Variants in KIAA2012 observed in about 807,000 individuals in gnomAD.
KIAA2012 encodes uncharacterized protein KIAA2012.
In KIAA2012, 125 loss-of-function variants were observed where a neutral mutation model predicts 150.6. The observed-to-expected ratio is 0.83, with a 90% CI of 0.72 to 0.96. KIAA2012 has a LOEUF of 0.96. Ranked by LOEUF, KIAA2012 falls within the 40% of genes least tolerant of loss-of-function variation. The pLI is 0.00. For synonymous variants in KIAA2012, 462 were observed against 504.7 expected (o/e 0.92, Z 1.13); for missense variants, 1,219 against 1,354.9 (o/e 0.90, Z 1.57).
At position 202,193,327 on chromosome 2, in the gene KIAA2012, G is replaced by A. The variant is rs1692354129; in HGVS notation, c.2838G>A (p.Glu946=). The part of the protein sequence containing the change: ...SKALLTKREQ[E]KASWDRLRAE... ...CCCTCCTCACTAAGAGGGAGCAGGA[G>A]AAGGCTTCCTGGGACAGGCTTCGAG... Residue 946 remains glutamate (E), a synonymous_variant, in exon 20 of 24, where the codon GAG becomes GAA. Transcript: ENST00000498697. 5 of 1,549,962 alleles carry A rather than the reference G, an allele frequency of 3.2e-6. No individual in the cohort carries two copies. Among genetic ancestry groups the A allele is most frequent in the Non-Finnish European group, 4.4e-6 (5 of 1,146,824 alleles).
chr2:202,132,692 GTATGTATATATATATGTATA>G lies in KIAA2012; in HGVS notation c.1832-5724_1832-5705del, dbSNP rs1341726692. 1.2e-3 allele frequency among the ~76,000 whole-genome samples: 71 copies of G among 60,048 alleles called. 1 individual carries two copies. The highest frequency in any genetic ancestry group is 3.5e-3 in the African/African-American group (50 of 14,444). 39.4% of individuals were successfully genotyped at this position (60,048 alleles called of 152,430 possible). On this transcript the variant is annotated intron_variant, in intron 12 of 23. Coordinates refer to ENST00000498697, the MANE Select transcript of KIAA2012 (RefSeq NM_001277372.4). ...CCTCACAAAATACATATATATATAT[GTATGTATATATATATGTATA>G]TATGTATATATATATAGTATATATG...
At chr2:202,106,958 A>T (rs996665246) in intron 9 of KIAA2012, among the ~76,000 whole-genome samples, 1 of 152,222 alleles carries the variant, frequency 6.6e-6, no homozygotes, top group Non-Finnish European at 1.5e-5. Context: ...AGGAAGATGC[A>T]CATTAATGTG....
At position 202,162,885 on chromosome 2, in the gene KIAA2012, G is replaced by A. The variant is rs555000829; in HGVS notation, c.2047-2399G>A. ...GCGGAGGTTGCAGTGAGCTGAGATC[G>A]CACCACTGCACTCCAGCCTGGCAAC... On this transcript the variant is annotated intron_variant, in intron 14 of 23. Transcript: ENST00000498697. Among the ~76,000 whole-genome samples, 359 of 134,684 alleles carry A rather than the reference G, an allele frequency of 2.7e-3. 1 individual carries two copies. Among genetic ancestry groups the A allele is most frequent in the African/African-American group, 9.4e-3 (331 of 35,372 alleles). The allele number at this position is 134,684 out of a possible 152,430, so 88.4% of individuals were successfully genotyped here.
At chr2:202,151,321 A>G (rs1177158718) in intron 13 of KIAA2012, among the ~76,000 whole-genome samples, 1 of 152,092 alleles carries the variant, frequency 6.6e-6, no homozygotes, top group Non-Finnish European at 1.5e-5. Context: ...TGCTTGAATC[A>G]GGGAGGCAGA....
intron 6 of KIAA2012, 56 bp from the exon 7 acceptor site, chr2:202,100,251 C>T: frequency 1.3e-6 from 2 of 1,501,734 alleles, no homozygotes; most frequent in Non-Finnish European, 1.8e-6. Flanking sequence ...CAAAACTCAA[C>T]TGTTCATCCC....
At chr2:202,132,647 C>A (rs903275717) in intron 12 of KIAA2012, among the ~76,000 whole-genome samples, 12 of 147,162 alleles carry the variant, frequency 8.2e-5, no homozygotes, top group Non-Finnish European at 1.6e-4. Flanking sequence ...GCACTCCAGG[C>A]TGGGCGGCAG....
In KIAA2012 at chr2:202,103,051, A is replaced by T; in HGVS notation, c.1261A>T (p.Ile421Phe). Residue 421 changes from isoleucine (I) to phenylalanine (F), a missense_variant, in exon 8 of 24, where the codon ATC becomes TTC. Transcript: ENST00000498697. ...KANEPPTELF[I>F]LPVEIHYHTK... ...CAATGAGCCCCCAACAGAGCTCTTC[A>T]TCTTACCGGTGGAGATTCATTACCA... 2 of 1,550,596 alleles carry T rather than the reference A, an allele frequency of 1.3e-6. No individual in the cohort carries two copies. The highest frequency in any genetic ancestry group is 1.7e-6 in the Non-Finnish European group (2 of 1,146,984).
intron 18 of KIAA2012, 56 bp from the exon 19 acceptor site, chr2:202,190,118 A>C: frequency 1.3e-5 from 17 of 1,348,088 alleles, no homozygotes; most frequent in Non-Finnish European, 1.6e-5. Context: ...AAGGATGTAT[A>C]GTGATCACAT....
chr2:202,095,334 A>G (rs1442768868), intron 4 of KIAA2012, among the ~76,000 whole-genome samples: 1 of 152,210 alleles, frequency 6.6e-6, no homozygotes, highest in East Asian at 1.9e-4. Context: ...AAGAAGTAGC[A>G]AAAGTCCCAG....
chr2:202,129,037 C>T (rs1398974448), intron 12 of KIAA2012, among the ~76,000 whole-genome samples: 1 of 151,846 alleles, frequency 6.6e-6, no homozygotes, highest in Admixed American at 6.6e-5. Context: ...GCGGCAGGGT[C>T]GCGGTGGCAG....
At chr2:202,103,515 T>C (rs772745693) in intron 8 of KIAA2012, among the ~76,000 whole-genome samples, 3 of 151,634 alleles carry the variant, frequency 2.0e-5, no homozygotes, top group Non-Finnish European at 1.5e-5. Flanking sequence ...AGTAGAGAAA[T>C]AGATGTTATC....
At position 202,194,409 on chromosome 2, in the gene KIAA2012, GA is replaced by G. The variant is rs957738511; in HGVS notation, c.3187+50del. 5.8e-6 allele frequency: 9 copies of G among 1,542,374 alleles called. No homozygotes were observed. The African/African-American group carries it at 1.2e-4, about 21-fold the overall frequency. ...TTGCATCTCTCTTCTACTTGGGGCA[GA>G]AACACTTTTATCCAGCTGTGAGTGT... On this transcript the variant is annotated intron_variant, in intron 21 of 23. Coordinates refer to ENST00000498697, the MANE Select transcript of KIAA2012 (RefSeq NM_001277372.4).
chr2:202,155,420 T>G (rs1691506345), intron 14 of KIAA2012, among the ~76,000 whole-genome samples: 1 of 152,166 alleles, frequency 6.6e-6, no homozygotes, highest in Admixed American at 6.5e-5. Context: ...CATTAAATGC[T>G]CCATGAATTG....
At chr2:202,152,653 A>T (rs1691451956) in intron 13 of KIAA2012, among the ~76,000 whole-genome samples, 1 of 152,186 alleles carries the variant, frequency 6.6e-6, no homozygotes, top group Non-Finnish European at 1.5e-5. Flanking sequence ...CGAGAAATGG[A>T]GAGGGACTGT....
intron 13 of KIAA2012, among the ~76,000 whole-genome samples, chr2:202,149,948 C>T (rs759092920): frequency 1.3e-5 from 2 of 152,160 alleles, no homozygotes; most frequent in Non-Finnish European, 2.9e-5. Context: ...CAGTAAGATG[C>T]GTCTGTAATT....
Position 202,138,491 on chromosome 2 carries a change from C to T in KIAA2012, c.1891C>T (p.Gln631Ter). Residue 631 changes from glutamine to a stop codon, truncating the protein, a stop_gained, in exon 13 of 24, where the codon CAA (glutamine) becomes TAA (stop). Coordinates refer to ENST00000498697, the MANE Select transcript of KIAA2012 (RefSeq NM_001277372.4). LOFTEE classifies it high-confidence loss of function. ...MNLYETSPLTQTTEKQGAQQS... is the reference protein window; with the variant it reads ...MNLYETSPLT ...CCTTTATGAAACCTCACCGTTGACC[C>T]AAACAACAGAGAAGCAGGTATAGTA... 6.5e-7 allele frequency: 1 copy of T among 1,550,000 alleles called. No homozygotes were observed. Among genetic ancestry groups the T allele is most frequent in the Non-Finnish European group, 8.7e-7 (1 of 1,146,490 alleles).
intron 13 of KIAA2012, among the ~76,000 whole-genome samples, chr2:202,149,949 G>A (rs1048327886): frequency 3.3e-5 from 5 of 152,220 alleles, no homozygotes; most frequent in South Asian, 2.1e-4. Flanking sequence ...AGTAAGATGC[G>A]TCTGTAATTT....
chr2:202,094,501 T>C (rs1689813360), intron 4 of KIAA2012, among the ~76,000 whole-genome samples: 2 of 152,030 alleles, frequency 1.3e-5, no homozygotes, highest in African/African-American at 2.4e-5. Flanking sequence ...TTTCTTTTTA[T>C]TTTCTTTTAT....
intron 21 of KIAA2012, among the ~76,000 whole-genome samples, chr2:202,196,186 C>CTTTTCTTTTTTTTTTTTTTTTTTT (rs59455367): frequency 5.0e-5 from 4 of 79,704 alleles, no homozygotes; most frequent in Non-Finnish European, 7.0e-5. Context: ...CTTTTCTTTT[C>CTTTTCTTTTTTTTTTTTTTTTTTT]TTTTTTTTTT....
Sources: allele counts gnomAD v4.1 joint callset (sites outside exome capture counted in the v4.1 genomes callset), GRCh38; gene constraint gnomAD v4.1.1; transcripts MANE v1.5; gene names NCBI Gene and HGNC (gene_info 2026-07-23, HGNC 2026-07-21).